Variants in SCAND3 observed in about 807,000 individuals in gnomAD.
SCAND3 encodes SCAN domain-containing protein 3.
At chr6:28,579,342 G>A in the SCAND3 span, 5 of 1,613,794 alleles carry the variant, frequency 3.1e-6, no homozygotes, top group Non-Finnish European at 3.4e-6. The surrounding 1 kb of genome is among the most constrained non-coding windows in gnomAD (Gnocchi z 4.5). Context: ...GAAGCTGGGT[G>A]CCTAAAGACT....
the SCAND3 span, among the ~76,000 whole-genome samples, chr6:28,593,115 A>C: frequency 1.3e-5 from 2 of 152,064 alleles, no homozygotes; most frequent in Non-Finnish European, 2.9e-5. Flanking sequence ...AAACAAAGTG[A>C]AGAGGCAAAC....
At chr6:28,579,196 G>A in the SCAND3 span, 5 of 1,327,194 alleles carry the variant, frequency 3.8e-6, no homozygotes, top group Non-Finnish European at 5.2e-6. This position sits in a 1 kb window ranked among gnomAD's most constrained non-coding sequence, Gnocchi z 4.5. Flanking sequence ...AATGGAATGA[G>A]GTTTGATAAC....
the SCAND3 span, chr6:28,570,586 G>T: frequency 6.6e-6 from 1 of 152,148 alleles, no homozygotes; most frequent in Non-Finnish European, 1.5e-5. Flanking sequence ...ACTTTCAAAG[G>T]TTTGGAGGAT....
chr6:28,573,389 T>C, the SCAND3 span: 2 of 1,614,158 alleles, frequency 1.2e-6, no homozygotes, highest in Non-Finnish European at 1.7e-6. Flanking sequence ...TATGGTGTTT[T>C]AGACTTGGCA....
the SCAND3 span, chr6:28,616,080 C>T: frequency 6.6e-6 from 1 of 152,204 alleles, no homozygotes; most frequent in Admixed American, 6.5e-5. The surrounding 1 kb of genome is among the most constrained non-coding windows in gnomAD (Gnocchi z 4.3). Flanking sequence ...GCGTGGTGGG[C>T]ATCTCCAAAG....
the SCAND3 span, among the ~76,000 whole-genome samples, chr6:28,610,884 G>T: frequency 3.2e-4 from 49 of 152,216 alleles, no homozygotes; most frequent in South Asian, 6.6e-3. Flanking sequence ...CATGCCTCTA[G>T]ATAAAAGCAT....
the SCAND3 span, among the ~76,000 whole-genome samples, chr6:28,581,176 A>C: frequency 2.0e-5 from 3 of 152,056 alleles, no homozygotes; most frequent in Non-Finnish European, 4.4e-5. Context: ...ATCACTGCCC[A>C]AAATACAAAA....
At chr6:28,581,525 A>T in the SCAND3 span, among the ~76,000 whole-genome samples, 1 of 152,230 alleles carries the variant, frequency 6.6e-6, no homozygotes, top group Non-Finnish European at 1.5e-5. Flanking sequence ...TGCTGGCACC[A>T]ACTCATTTAT....
At chr6:28,590,802 A>T in the SCAND3 span, 1 of 152,214 alleles carries the variant, frequency 6.6e-6, no homozygotes, top group Non-Finnish European at 1.5e-5. Flanking sequence ...AACTAAGTTT[A>T]CAAAATTCAT....
the SCAND3 span, among the ~76,000 whole-genome samples, chr6:28,613,907 G>C: frequency 1.3e-5 from 2 of 151,542 alleles, no homozygotes; most frequent in Non-Finnish European, 2.9e-5. Flanking sequence ...CATTAAACAA[G>C]TATAGACACT....
At chr6:28,586,182 A>G in the SCAND3 span, 11 of 801,774 alleles carry the variant, frequency 1.4e-5, no homozygotes, top group Non-Finnish European at 2.2e-5. The surrounding 1 kb of genome is among the most constrained non-coding windows in gnomAD (Gnocchi z 4.4). Context: ...TGATCAAATA[A>G]GAAATAATGC....
the SCAND3 span, among the ~76,000 whole-genome samples, chr6:28,583,967 G>T: frequency 6.6e-6 from 1 of 152,152 alleles, no homozygotes; most frequent in Non-Finnish European, 1.5e-5. Flanking sequence ...TGGTTTTGGG[G>T]AGATCTTCTG....
At chr6:28,613,029 T>C in the SCAND3 span, among the ~76,000 whole-genome samples, 2 of 152,162 alleles carry the variant, frequency 1.3e-5, no homozygotes, top group Non-Finnish European at 1.5e-5. Flanking sequence ...ATCTAGAGAC[T>C]AGATGTTACA....
the SCAND3 span, chr6:28,575,778 G>C: frequency 6.2e-7 from 1 of 1,614,074 alleles, no homozygotes; most frequent in South Asian, 1.1e-5. This position sits in a 1 kb window ranked among gnomAD's most constrained non-coding sequence, Gnocchi z 4.2. Context: ...TATGCAGAAT[G>C]TCAAATAAGT....
the SCAND3 span, among the ~76,000 whole-genome samples, chr6:28,615,865 T>C: frequency 2.0e-5 from 3 of 152,206 alleles, no homozygotes; most frequent in Non-Finnish European, 4.4e-5. Context: ...CTCCAGAAGA[T>C]GTTTATTTTC....
At chr6:28,581,044 C>T in the SCAND3 span, among the ~76,000 whole-genome samples, 1 of 151,788 alleles carries the variant, frequency 6.6e-6, no homozygotes, top group African/African-American at 2.4e-5. Context: ...TTTTTTTTAA[C>T]GCTGGAAAGA....
chr6:28,571,753 A>C, the SCAND3 span: 1 of 743,226 alleles, frequency 1.3e-6, no homozygotes, highest in Non-Finnish European at 2.0e-6. Flanking sequence ...ATATACATAT[A>C]GGCAATTTAT....
the SCAND3 span, among the ~76,000 whole-genome samples, chr6:28,595,283 G>A: frequency 8.7e-6 from 1 of 115,402 alleles, no homozygotes; most frequent in African/African-American, 3.5e-5. Flanking sequence ...GGAGGTGGAG[G>A]ATCAGCCACT....
the SCAND3 span, among the ~76,000 whole-genome samples, chr6:28,597,504 C>T: frequency 1.3e-5 from 2 of 151,744 alleles, no homozygotes; most frequent in Non-Finnish European, 2.9e-5. Flanking sequence ...CTTTTTCTGG[C>T]TTAATCCTGA....
Sources: gnomAD v4.1 joint callset for allele counts (sites outside exome capture counted in the v4.1 genomes callset) on GRCh38, gnomAD v4.1.1 for gene constraint, Gnocchi (gnomAD v3.1) non-coding constraint, MANE v1.5 for transcripts, NCBI Gene and HGNC (gene_info 2026-07-23, HGNC 2026-07-21) for gene names.